The following SOX5 variants were observed in gnomAD, a reference collection of about 807,000 sequenced individuals.
SOX5 encodes the protein SRY-box transcription factor 5, also known as transcription factor SOX-5.
SOX5 carries 9 observed loss-of-function variants against 92.0 expected under a neutral mutation model. The ratio of observed to expected loss-of-function variants is 0.10; its 90% confidence interval spans 0.06 to 0.17. SOX5 has a LOEUF of 0.17. Among genes scored for constraint, SOX5 ranks in the 10% least tolerant of loss-of-function variants. The probability of loss-of-function intolerance (pLI) is 1.00; values close to 1 mark genes in which losing one functional copy is unlikely to be tolerated. For missense variants in SOX5, 642 were observed against 944.5 expected (o/e 0.68, Z 4.20); for synonymous variants, 344 against 336.3 (o/e 1.02, Z -0.25).
chr12:24,203,257 A>G (rs1298941458), intron 4 of SOX5, among the ~76,000 whole-genome samples: 3 of 152,174 alleles, frequency 2.0e-5, no homozygotes, highest in African/African-American at 7.2e-5. Context: ...CGTTATTTCA[A>G]TGTTTTCATC....
chr12:23,867,873 T>G (rs1003232290), intron 2 of SOX5, among the ~76,000 whole-genome samples: 1 of 151,422 alleles, frequency 6.6e-6, no homozygotes, highest in African/African-American at 2.4e-5. Context: ...AACATAAAAA[T>G]TATTACCTTT....
At chr12:24,516,949 A>C (rs1949843521) in intron 1 of SOX5, among the ~76,000 whole-genome samples, 1 of 152,206 alleles carries the variant, frequency 6.6e-6, no homozygotes, top group Admixed American at 6.5e-5. Context: ...TTAACTCCTT[A>C]ATCTGTAGAA....
At chr12:23,766,112 C>G (rs1450212600) in intron 3 of SOX5, among the ~76,000 whole-genome samples, 1 of 152,116 alleles carries the variant, frequency 6.6e-6, no homozygotes, top group Non-Finnish European at 1.5e-5. Context: ...ACAGACTTTT[C>G]TAAATGCTAC....
intron 3 of SOX5, among the ~76,000 whole-genome samples, chr12:24,247,645 CTTTTT>C (rs11300258): frequency 4.4e-4 from 33 of 75,584 alleles, no homozygotes; most frequent in African/African-American, 1.4e-3. Context: ...TATTTATTTA[CTTTTT>C]TTTTTTTTTT....
intron 1 of SOX5, among the ~76,000 whole-genome samples, chr12:24,424,809 G>GGA (rs1555286257): frequency 7.8e-6 from 1 of 128,332 alleles, no homozygotes; most frequent in African/African-American, 3.1e-5. Context: ...TTTTTTTTTT[G>GGA]GGGGGGGGGG....
intron 6 of SOX5, among the ~76,000 whole-genome samples, chr12:23,686,158 C>T (rs1475749782): frequency 1.3e-5 from 2 of 152,042 alleles, no homozygotes; most frequent in African/African-American, 4.8e-5. Context: ...AAAGAGAATG[C>T]TGAAATAGTA....
Position 24,516,088 on chromosome 12 carries a change from G to A in SOX5, c.-251+46241C>T, listed in dbSNP as rs190050433. ...GACAGAGTCTCACTCTGTCAGCCAG[G>A]TTGGAGGGCAGTGGTGCGATCATAG... On this transcript the variant is annotated intron_variant, in intron 1 of 4. Transcript: ENST00000446891. Among the ~76,000 whole-genome samples the A allele has an allele frequency of 9.3e-5, 14 of 149,984 alleles. No individual in the cohort carries two copies. In the East Asian group the frequency reaches 2.7e-3, roughly 29 times the overall value.
chr12:24,356,466 G>C (rs1411221082), intron 2 of SOX5, among the ~76,000 whole-genome samples: 5 of 151,562 alleles, frequency 3.3e-5, no homozygotes, highest in Non-Finnish European at 2.9e-5. Context: ...TTTCTCTCTT[G>C]GTGGCCATTA....
At chr12:24,198,923 C>G (rs548361643) in intron 4 of SOX5, among the ~76,000 whole-genome samples, 96 of 152,282 alleles carry the variant, frequency 6.3e-4, no homozygotes, top group African/African-American at 2.0e-3. Context: ...ATGGCCTGCT[C>G]CCCGTGTGGC....
chr12:24,552,684 T>C (rs997658648), intron 1 of SOX5, among the ~76,000 whole-genome samples: 2 of 152,226 alleles, frequency 1.3e-5, no homozygotes, highest in Non-Finnish European at 2.9e-5. Flanking sequence ...TAGTGAATAT[T>C]TGATAATAAG....
chr12:23,848,034 T>C (rs1408441849), intron 2 of SOX5, among the ~76,000 whole-genome samples: 2 of 152,172 alleles, frequency 1.3e-5, no homozygotes, highest in Non-Finnish European at 2.9e-5. Context: ...CTTAGTTTCA[T>C]GTGCAAACAG....
intron 4 of SOX5, among the ~76,000 whole-genome samples, chr12:24,042,339 T>C (rs1288187117): frequency 2.0e-5 from 3 of 152,250 alleles, no homozygotes; most frequent in East Asian, 1.9e-4. Context: ...GAAGTTACAA[T>C]TGATAAAACA....
At chr12:23,786,441 A>T (rs148019203) in intron 3 of SOX5, among the ~76,000 whole-genome samples, 20 of 152,022 alleles carry the variant, frequency 1.3e-4, no homozygotes, top group African/African-American at 4.3e-4. Context: ...ATAATCATGT[A>T]AATGGAAGAA....
rs964398755 is a variant in SOX5 at position 23,880,198 on chromosome 12, G to A, written c.270+15595C>T. Among the ~76,000 whole-genome samples, 12 of 152,222 alleles carry A rather than the reference G, an allele frequency of 7.9e-5. No individual in the cohort carries two copies. The East Asian group carries it at 2.3e-3, about 29-fold the overall frequency. On this transcript the variant is annotated intron_variant, in intron 2 of 14. Transcript: ENST00000451604. The stretch of plus-strand genomic sequence containing the variant: ...AAGTGCATATATCACACAGTTTCAG[G>A]GGGTTCACAGGTTTCAAAAAGCTCA...
chr12:24,444,704 A>C (rs1433191924), intron 1 of SOX5, among the ~76,000 whole-genome samples: 1 of 152,146 alleles, frequency 6.6e-6, no homozygotes, highest in South Asian at 2.1e-4. Context: ...TCCCAGAAGC[A>C]GCAAATGTCT....
chr12:23,570,645 T>G (rs1948010250), intron 10 of SOX5, among the ~76,000 whole-genome samples: 2 of 151,414 alleles, frequency 1.3e-5, no homozygotes, highest in Non-Finnish European at 2.9e-5. Flanking sequence ...GTGTGGTGGC[T>G]CACACCTGTA....
intron 1 of SOX5, among the ~76,000 whole-genome samples, chr12:24,437,928 C>T (rs951225283): frequency 6.6e-6 from 1 of 152,202 alleles, no homozygotes; most frequent in African/African-American, 2.4e-5. Context: ...AATCCCATTA[C>T]TGGGTATATA....
intron 4 of SOX5, among the ~76,000 whole-genome samples, chr12:24,089,437 T>C (rs529043368): frequency 1.5e-4 from 23 of 152,276 alleles, no homozygotes; most frequent in Middle Eastern, 3.4e-3. Context: ...TTCTAAAGAA[T>C]AAGCTTTAGG....
At chr12:24,391,243 G>C (rs1254198016) in intron 1 of SOX5, among the ~76,000 whole-genome samples, 1 of 151,950 alleles carries the variant, frequency 6.6e-6, no homozygotes, top group Non-Finnish European at 1.5e-5. Context: ...GTTTCTTCAT[G>C]TCCTTTACCC....
Sources: allele counts gnomAD v4.1 joint callset (sites outside exome capture counted in the v4.1 genomes callset), GRCh38; gene constraint gnomAD v4.1.1; transcripts MANE v1.5; gene names NCBI Gene and HGNC (gene_info 2026-07-23, HGNC 2026-07-21).